The following GPHN variants were observed in gnomAD, a reference collection of about 807,000 sequenced individuals.
GPHN encodes gephyrin.
In GPHN, 17 loss-of-function variants were observed where a neutral mutation model predicts 95.5. That is an observed-to-expected ratio of 0.18 (90% CI 0.12 to 0.27). GPHN has a LOEUF of 0.27. GPHN is among the 10% of genes least tolerant of loss of function. GPHN has a pLI of 1.00. For missense variants in GPHN, 660 were observed against 978.1 expected (o/e 0.67, Z 4.34); for synonymous variants, 320 against 322.5 (o/e 0.99, Z 0.08).
At chr14:67,193,642 G>C in the GPHN span, among the ~76,000 whole-genome samples, 1 of 146,384 alleles carries the variant, frequency 6.8e-6, no homozygotes, top group East Asian at 2.0e-4. Context: ...TATAGATATA[G>C]ATATATAGAA....
chr14:67,439,573 C>CTTTT, the GPHN span, among the ~76,000 whole-genome samples: 18 of 141,402 alleles, frequency 1.3e-4, no homozygotes, highest in African/African-American at 4.9e-4. Flanking sequence ...TTCTTTCTTT[C>CTTTT]TTTCTTTCTT....
At chr14:66,907,275 A>G (rs2065433118) in intron 5 of GPHN, among the ~76,000 whole-genome samples, 1 of 152,208 alleles carries the variant, frequency 6.6e-6, no homozygotes, top group African/African-American at 2.4e-5. Flanking sequence ...CAAGCAACCA[A>G]AAAAGACATC....
chr14:67,674,160 G>A, the GPHN span, among the ~76,000 whole-genome samples: 1 of 152,238 alleles, frequency 6.6e-6, no homozygotes, highest in Non-Finnish European at 1.5e-5. Context: ...AATGTGGAAG[G>A]CCATAGAAGG....
the GPHN span, chr14:67,580,787 G>A: frequency 1.2e-5 from 7 of 593,498 alleles, no homozygotes; most frequent in East Asian, 1.7e-4. Flanking sequence ...TTGGGTCCAG[G>A]AAGCATGAAG....
chr14:67,527,404 C>G, the GPHN span, among the ~76,000 whole-genome samples: 3 of 152,166 alleles, frequency 2.0e-5, no homozygotes, highest in East Asian at 5.8e-4. Flanking sequence ...CACCATTGCA[C>G]TCCAGCCTGG....
chr14:67,385,370 C>T, the GPHN span: 1 of 150,796 alleles, frequency 6.6e-6, no homozygotes, highest in Non-Finnish European at 1.5e-5. Context: ...GCAGGAGGAT[C>T]ACTTGAGGCC....
chr14:66,823,756 C>G (rs898214001), intron 3 of GPHN, among the ~76,000 whole-genome samples: 1 of 152,074 alleles, frequency 6.6e-6, no homozygotes, highest in Non-Finnish European at 1.5e-5. Flanking sequence ...TATTGTACAT[C>G]TCGGTATCAG....
intron 21 of GPHN, among the ~76,000 whole-genome samples, chr14:67,173,782 T>TA (rs1466614371): frequency 2.0e-5 from 3 of 151,556 alleles, no homozygotes; most frequent in Admixed American, 6.6e-5. Flanking sequence ...TGAGATATAA[T>TA]AAAAAATATA....
intron 8 of GPHN, among the ~76,000 whole-genome samples, chr14:66,942,330 T>C (rs1020728006): frequency 6.6e-6 from 1 of 152,196 alleles, no homozygotes; most frequent in Non-Finnish European, 1.5e-5. Flanking sequence ...TTAACTTTTG[T>C]GTTGCTTAAT....
chr14:67,264,813 AT>A, the GPHN span, among the ~76,000 whole-genome samples: 1 of 152,184 alleles, frequency 6.6e-6, no homozygotes, highest in African/African-American at 2.4e-5. Flanking sequence ...GATGTGTTAT[AT>A]ATATGCTTTT....
At position 66,564,080 on chromosome 14, in the gene GPHN, C is replaced by T. The variant is rs1423577302; in HGVS notation, c.64+55489C>T. Among the ~76,000 whole-genome samples the T allele has an allele frequency of 2.0e-5, 3 of 152,062 alleles. No individual in the cohort carries two copies. In the East Asian group the frequency reaches 5.8e-4, roughly 29 times the overall value. The stretch of plus-strand genomic sequence containing the variant: ...GAAGTTCCCATTCATCTTCATACAT[C>T]TGGGGAATTGATAGCTATCTCTATG... On this transcript the variant is annotated intron_variant, in intron 1 of 22. Transcript: ENST00000478722.
intron 3 of GPHN, among the ~76,000 whole-genome samples, chr14:66,793,759 A>G (rs933238832): frequency 6.6e-6 from 1 of 152,218 alleles, no homozygotes; most frequent in African/African-American, 2.4e-5. Context: ...GTAAAACCCT[A>G]GAGCAACGAT....
In GPHN at chr14:66,856,801, G is replaced by A. The variant is rs116262457; in HGVS notation, c.295-23138G>A. Among the ~76,000 whole-genome samples, 1,077 of 151,890 alleles carry A rather than the reference G, an allele frequency of 7.1e-3. 5 individuals carry two copies. Among genetic ancestry groups the A allele is most frequent in the African/African-American group, 0.025 (1,027 of 41,456 alleles). ...AAACTGATTTTAAGAATTCAAGAAC[G>A]GTAAATTTTAGACATCCTTTAATTT... On this transcript the variant is annotated intron_variant, in intron 4 of 22. Transcript: ENST00000478722.
At chr14:67,579,787 A>G in the GPHN span, 1 of 1,612,298 alleles carries the variant, frequency 6.2e-7, no homozygotes, top group Non-Finnish European at 8.5e-7. Flanking sequence ...GGAGATAGGC[A>G]TGAGAAAGCC....
chr14:67,312,990 A>T, the GPHN span, among the ~76,000 whole-genome samples: 7 of 152,298 alleles, frequency 4.6e-5, no homozygotes, highest in African/African-American at 1.7e-4. Flanking sequence ...TATCGAGGCA[A>T]TACAACTTGT....
At chr14:67,602,759 C>A in the GPHN span, among the ~76,000 whole-genome samples, 528 of 152,318 alleles carry the variant, frequency 3.5e-3, 5 homozygotes, top group African/African-American at 0.012. Flanking sequence ...TTTCTTTTCA[C>A]AATAATTGTT....
the GPHN span, among the ~76,000 whole-genome samples, chr14:67,482,637 G>A: frequency 4.6e-5 from 7 of 152,342 alleles, no homozygotes; most frequent in East Asian, 1.4e-3. Flanking sequence ...GCGGCTCTGT[G>A]CTGAAGATAA....
chr14:67,113,967 A>T (rs572213051), intron 16 of GPHN, among the ~76,000 whole-genome samples: 161 of 152,310 alleles, frequency 1.1e-3, no homozygotes, highest in African/African-American at 3.6e-3. Flanking sequence ...TATTAAAGAA[A>T]AGATTAGCGG....
At chr14:67,582,251 CTTAGA>C in the GPHN span, 5 of 1,612,684 alleles carry the variant, frequency 3.1e-6, no homozygotes, top group Non-Finnish European at 4.2e-6. The surrounding 1 kb of genome is among the most constrained non-coding windows in gnomAD (Gnocchi z 5.0). Flanking sequence ...GGGTTGCCAG[CTTAGA>C]ATGAATGCAC....
Sources: gnomAD v4.1 joint callset for allele counts (sites outside exome capture counted in the v4.1 genomes callset) on GRCh38, gnomAD v4.1.1 for gene constraint, Gnocchi (gnomAD v3.1) non-coding constraint, MANE v1.5 for transcripts, NCBI Gene and HGNC (gene_info 2026-07-23, HGNC 2026-07-21) for gene names.